HSPA4: variants seen among roughly 807,000 people sequenced by gnomAD.
The protein encoded by HSPA4 is heat shock 70 kDa protein 4.
Under a neutral mutation model 106.2 loss-of-function variants are expected in HSPA4, and 25 were observed. The observed-to-expected ratio is 0.24, with a 90% CI of 0.17 to 0.33. The LOEUF (loss-of-function observed/expected upper bound fraction) is 0.33. Ranked by LOEUF, HSPA4 falls within the 10% of genes least tolerant of loss-of-function variation. The pLI, the probability that HSPA4 is intolerant of heterozygous loss-of-function variation, is 1.00. For missense variants in HSPA4, 841 were observed against 996.0 expected (o/e 0.84, Z 2.10); for synonymous variants, 332 against 333.6 (o/e 1.00, Z 0.05).
chr5:133,074,991 C>A (rs1305573431), intron 6 of HSPA4, among the ~76,000 whole-genome samples: 1 of 151,944 alleles, frequency 6.6e-6, no homozygotes, highest in Non-Finnish European at 1.5e-5. Flanking sequence ...TGCCTTGTAC[C>A]CATTGGAGAT....
chr5:133,091,529 C>T (rs1765647331), intron 12 of HSPA4, among the ~76,000 whole-genome samples, 155 bp downstream of exon 12: 2 of 152,120 alleles, frequency 1.3e-5, no homozygotes, highest in African/African-American at 4.8e-5. Flanking sequence ...ATAAGTGAAC[C>T]AGCAGTAGAT....
chr5:133,095,128 G>T (rs145226785), intron 13 of HSPA4, among the ~76,000 whole-genome samples: 172 of 152,170 alleles, frequency 1.1e-3, no homozygotes, highest in African/African-American at 3.8e-3. Flanking sequence ...TAGCCAACAT[G>T]GTGAAACCCC....
rs1765662599 is a variant in HSPA4 at position 133,092,806 on chromosome 5, G to GTTTTTTTTGT, written c.1650+25_1650+26insGTTTTTTTTT. Reference sequence around the variant, plus strand: ...GAAATGGAGGTATGCATTGGGTGGTGTTTTTTTTTTTTTTTTTTTTTTTTT... The same window carrying GTTTTTTTTGT: ...GAAATGGAGGTATGCATTGGGTGGTGTTTTTTTTGTTTTTTTTTTTTTTTTTTTTTTTTTT... On this transcript the variant is annotated intron_variant, in intron 13 of 18. Transcript: ENST00000304858. 10 of 474,032 alleles carry GTTTTTTTTGT rather than the reference G, an allele frequency of 2.1e-5. No homozygotes were observed. In the African/African-American group the frequency reaches 3.2e-4, roughly 15 times the overall value. 29.4% of individuals were successfully genotyped at this position (474,032 alleles called of 1,614,324 possible). A position where few individuals can be genotyped will look rare whatever the true frequency, so the allele number is the denominator to read the frequency against.
chr5:133,090,418 G>T (rs541938516), intron 11 of HSPA4, among the ~76,000 whole-genome samples: 1 of 115,146 alleles, frequency 8.7e-6, no homozygotes, highest in Admixed American at 1.2e-4. Context: ...GCGACAGAGC[G>T]AGACTCTGTC....
At chr5:133,089,244 A>C in intron 10 of HSPA4, 83 bp downstream of exon 10, 1 of 783,380 alleles carries the variant, frequency 1.3e-6, no homozygotes, top group Non-Finnish European at 2.0e-6. Context: ...ATTTCAGTTT[A>C]CATAAATCTG....
chr5:133,063,830 C>T (rs1167787610), intron 1 of HSPA4, among the ~76,000 whole-genome samples: 1 of 150,724 alleles, frequency 6.6e-6, no homozygotes, highest in South Asian at 2.1e-4. Context: ...GGCACAATCT[C>T]GGCTCACTGC....
chr5:133,086,649 TATGAAGG>T, intron 7 of HSPA4, 126 bp from the exon 8 acceptor site: 1 of 641,128 alleles, frequency 1.6e-6, no homozygotes, highest in Non-Finnish European at 2.8e-6. Flanking sequence ...CCTGGGAATG[TATGAAGG>T]ATCCACTGTC....
At chr5:133,082,715 A>G (rs1221792611) in intron 7 of HSPA4, among the ~76,000 whole-genome samples, 1 of 151,894 alleles carries the variant, frequency 6.6e-6, no homozygotes. Flanking sequence ...CCCTCCTCAG[A>G]CTCCCAAAGT....
chr5:133,062,486 A>G (rs1254829914), intron 1 of HSPA4, among the ~76,000 whole-genome samples: 3 of 152,158 alleles, frequency 2.0e-5, no homozygotes, highest in Non-Finnish European at 2.9e-5. Context: ...AGGTGGAGGA[A>G]GTGGGTAAGA....
rs1765831079 is a variant in HSPA4 at position 133,104,509 on chromosome 5, T to C, written c.*73T>C. ...TGTCAACTTTGTTCTAAATATCAAC[T>C]AGCGCAAGTGAATACTGAAGATTTC... On this transcript the variant is annotated 3_prime_UTR_variant, in exon 19 of 19. Transcript: ENST00000304858. The C allele has an allele frequency of 7.4e-7, 1 of 1,349,314 alleles. No homozygotes were observed. 83.6% of individuals were successfully genotyped at this position (1,349,314 alleles called of 1,614,324 possible). A position where few individuals can be genotyped will look rare whatever the true frequency, so the allele number is the denominator to read the frequency against.
chr5:133,053,928 A>G (rs1262814591), intron 1 of HSPA4, among the ~76,000 whole-genome samples: 1 of 150,990 alleles, frequency 6.6e-6, no homozygotes, highest in Non-Finnish European at 1.5e-5. Flanking sequence ...CCAAAGTGCT[A>G]GGATTACAGG....
chr5:133,083,753 T>G (rs1177337616), intron 7 of HSPA4, among the ~76,000 whole-genome samples: 1 of 152,136 alleles, frequency 6.6e-6, no homozygotes, highest in East Asian at 1.9e-4. Context: ...GTCAGGCTGG[T>G]CTTGAACTCC....
At chr5:133,065,489 C>CA (rs1765295844) in intron 2 of HSPA4, among the ~76,000 whole-genome samples, 1 of 152,176 alleles carries the variant, frequency 6.6e-6, no homozygotes, top group Admixed American at 6.5e-5. Flanking sequence ...CAGTCCCCTG[C>CA]AGATACCCAG....
Position 133,096,421 on chromosome 5 carries a change from A to G in HSPA4, c.1803+171A>G, listed in dbSNP as rs1237262777. On this transcript the variant is annotated intron_variant, in intron 14 of 18. Transcript: ENST00000304858. ...AAGTTGAAGCAATAGATCCCATGTT[A>G]TGTCAATTCTTTTATGGTGGTACTA... is the stretch of plus-strand genomic sequence containing the variant. 3.3e-5 allele frequency among the ~76,000 whole-genome samples: 5 copies of G among 152,322 alleles called. No individual in the cohort carries two copies. In the East Asian group the frequency reaches 7.7e-4, roughly 23 times the overall value.
At chr5:133,062,490 G>T (rs1245886250) in intron 1 of HSPA4, among the ~76,000 whole-genome samples, 1 of 152,108 alleles carries the variant, frequency 6.6e-6, no homozygotes, top group African/African-American at 2.4e-5. Flanking sequence ...GGAGGAAGTG[G>T]GTAAGATTGC....
rs556218993 is a variant in HSPA4, at chr5:133,090,581, G to A, written c.1379-612G>A. 2.6e-5 allele frequency among the ~76,000 whole-genome samples: 4 copies of A among 152,150 alleles called. No homozygotes were observed. In the South Asian group the frequency reaches 8.3e-4, roughly 32 times the overall value. On this transcript the variant is annotated intron_variant, in intron 11 of 18. Transcript: ENST00000304858. ...CTTATCTGGAAATAATACTAGTTGA[G>A]AAGAGATAGAAACTAGTTATAGTAT...
Position 133,104,803 on chromosome 5 carries a change from G to T in HSPA4, c.*367G>T. 1 of 212,792 alleles carries T rather than the reference G, an allele frequency of 4.7e-6. No individual in the cohort carries two copies. Among genetic ancestry groups the T allele is most frequent in the Non-Finnish European group, 9.5e-6 (1 of 104,752 alleles). The allele number at this position is 212,792 out of a possible 1,614,324, so 13.2% of individuals were successfully genotyped here. A position where few individuals can be genotyped will look rare whatever the true frequency, so the allele number is the denominator to read the frequency against. On this transcript the variant is annotated 3_prime_UTR_variant, in exon 19 of 19. Coordinates refer to ENST00000304858, the MANE Select transcript of HSPA4 (RefSeq NM_002154.4). ...TTTCATTATGACTTACATGGCAGGA[G>T]CTCTAATTATGCTTTAAAAATCTGT...
At chr5:133,098,959 G>A (rs893164716) in intron 15 of HSPA4, among the ~76,000 whole-genome samples, 5 of 152,098 alleles carry the variant, frequency 3.3e-5, no homozygotes, top group African/African-American at 1.2e-4. Flanking sequence ...GTGAGCCAGT[G>A]TTCCCAGATG....
intron 7 of HSPA4, among the ~76,000 whole-genome samples, chr5:133,083,683 A>G (rs1204528410): frequency 6.6e-6 from 1 of 151,980 alleles, no homozygotes; most frequent in East Asian, 1.9e-4. Flanking sequence ...GGTTACAGGC[A>G]TGCACCACCA....
Sources: allele counts gnomAD v4.1 joint callset (sites outside exome capture counted in the v4.1 genomes callset), GRCh38; gene constraint gnomAD v4.1.1; transcripts MANE v1.5; gene names NCBI Gene and HGNC (gene_info 2026-07-23, HGNC 2026-07-21).